Variants in ELAVL2 observed in about 807,000 individuals in gnomAD.
ELAVL2 encodes ELAV like RNA binding protein 2, also known as ELAV-like protein 2.
A neutral mutation model predicts 34.6 loss-of-function variants in ELAVL2; 4 were observed. The ratio of observed to expected loss-of-function variants is 0.12; its 90% CI spans 0.06 to 0.26. The LOEUF is 0.26. Ranked by LOEUF, ELAVL2 falls within the 10% of genes least tolerant of loss-of-function variation. The probability of loss-of-function intolerance (pLI) is 1.00; values close to 1 mark genes in which losing one functional copy is unlikely to be tolerated. For missense variants in ELAVL2, 432 were observed against 442.8 expected (o/e 0.98, Z 0.22); for synonymous variants, 193 against 154.8 (o/e 1.25, Z -1.83).
rs1330916790 is a variant in ELAVL2 at position 23,692,145 on chromosome 9, A to AC, written c.*411_*412insG. 1.2e-5 allele frequency: 2 copies of AC among 162,034 alleles called. No homozygotes were observed. The highest frequency in any genetic ancestry group is 4.8e-5 in the African/African-American group (2 of 41,626). The allele number at this position is 162,034 out of a possible 1,614,324, so 10.0% of individuals were successfully genotyped here. ...ATGTAAACCAAACACAAAGCTAATC[A>AC]GAAAAAGGAAAAAAAGGGGGGAAAA... On this transcript the variant is annotated 3_prime_UTR_variant, in exon 7 of 7. Transcript: ENST00000397312.
At chr9:23,713,857 G>C (rs1587562034) in intron 3 of ELAVL2, among the ~76,000 whole-genome samples, 1 of 152,092 alleles carries the variant, frequency 6.6e-6, no homozygotes, top group Admixed American at 6.5e-5. Context: ...CCATGTTAAG[G>C]AGTAAAAACA....
intron 1 of ELAVL2, among the ~76,000 whole-genome samples, chr9:23,808,625 GAT>G (rs2137974411): frequency 6.6e-6 from 1 of 152,262 alleles, no homozygotes; most frequent in African/African-American, 2.4e-5. Flanking sequence ...GGAAAAGAGA[GAT>G]AAGTTTAAAG....
chr9:23,773,099 T>A (rs536449511), intron 1 of ELAVL2, among the ~76,000 whole-genome samples: 4 of 152,286 alleles, frequency 2.6e-5, no homozygotes, highest in Non-Finnish European at 4.4e-5. Context: ...TTACATTCAA[T>A]GCAAGTGTTA....
intron 1 of ELAVL2, among the ~76,000 whole-genome samples, chr9:23,765,547 T>A (rs2056051281): frequency 6.6e-6 from 1 of 152,096 alleles, no homozygotes; most frequent in Non-Finnish European, 1.5e-5. Flanking sequence ...CCCCAAAATA[T>A]CAGAAAGACA....
At chr9:23,798,919 A>G (rs763147493) in intron 1 of ELAVL2, among the ~76,000 whole-genome samples, 1 of 152,214 alleles carries the variant, frequency 6.6e-6, no homozygotes, top group African/African-American at 2.4e-5. Flanking sequence ...ACAACCTAAT[A>G]GGCATCATTT....
intron 1 of ELAVL2, chr9:23,779,269 C>A: frequency 1.0e-6 from 1 of 985,348 alleles, no homozygotes; most frequent in African/African-American, 1.7e-5. Context: ...TGGTTTACCC[C>A]AGTAGAATCC....
upstream of ELAVL2, among the ~76,000 whole-genome samples, chr9:23,831,143 A>C (rs4142149): frequency 0.33 from 49,456 of 152,102 alleles, 8,594 homozygotes; most frequent in Middle Eastern, 0.44. Flanking sequence ...AACGGTTTTT[A>C]TGCTTCCGAT....
rs1170076514 is a variant in ELAVL2, at chr9:23,699,824, T to A, written c.713+1555A>T. Among the ~76,000 whole-genome samples the A allele has an allele frequency of 2.2e-3, 86 of 39,736 alleles. 1 individual carries two copies. The highest frequency in any genetic ancestry group is 9.1e-3 in the African/African-American group (84 of 9,254). 26.1% of individuals were successfully genotyped at this position (39,736 alleles called of 152,430 possible). On this transcript the variant is annotated intron_variant, in intron 5 of 6. Coordinates refer to ENST00000397312, the MANE Select transcript of ELAVL2 (RefSeq NM_004432.5). The stretch of plus-strand genomic sequence containing the variant: ...AAAGGTGGCAAAGGTTTTTTTTTTT[T>A]TTTTTTTTTTTTTTTTTTTTTTTTT...
At chr9:23,780,200 G>C (rs1461834513) in intron 1 of ELAVL2, among the ~76,000 whole-genome samples, 1 of 151,798 alleles carries the variant, frequency 6.6e-6, no homozygotes. Context: ...TCAACAGTTG[G>C]TATTAATAGT....
intron 1 of ELAVL2, among the ~76,000 whole-genome samples, chr9:23,768,861 C>A (rs2056802897): frequency 6.6e-6 from 1 of 152,136 alleles, no homozygotes; most frequent in Non-Finnish European, 1.5e-5. Context: ...TTTAGAAGCA[C>A]ATCATGATTA....
rs1208170585 is a variant in ELAVL2, at chr9:23,701,567, C to T, written c.525G>A (p.Lys175=). Residue 175 remains lysine, a synonymous_variant, in exon 5 of 7, where the codon AAG becomes AAA. Transcript: ENST00000397312. The part of the protein sequence containing the change: ...SRGVGFIRFD[K]RIEAEEAIKG... ...TGATAGCTTCTTCTGCCTCAATTCG[C>T]TTGTCAAATCGAATAAACCCTACAC... The T allele has an allele frequency of 6.2e-7, 1 of 1,614,056 alleles. No individual in the cohort carries two copies. The highest frequency in any genetic ancestry group is 1.7e-5 in the Admixed American group (1 of 60,002).
In ELAVL2 at chr9:23,763,064, T is replaced by G. The variant is rs1169064990; in HGVS notation, c.-15-815A>C. Among the ~76,000 whole-genome samples, 9 of 152,218 alleles carry G rather than the reference T, an allele frequency of 5.9e-5. No homozygotes were observed. The East Asian group carries it at 1.7e-3, about 29-fold the overall frequency. ...GGTGTTTCTCCTTGACTCTGCTTTT[T>G]AATGAGAAAAAAGAAAACCTATCCA... is the stretch of plus-strand genomic sequence containing the variant. On this transcript the variant is annotated intron_variant, in intron 1 of 6. Coordinates refer to ENST00000397312, the MANE Select transcript of ELAVL2 (RefSeq NM_004432.5).
chr9:23,755,267 C>T (rs968654737), intron 2 of ELAVL2, among the ~76,000 whole-genome samples: 2 of 152,102 alleles, frequency 1.3e-5, no homozygotes, highest in Non-Finnish European at 2.9e-5. Flanking sequence ...TATTTGATTT[C>T]TTAAAATGTT....
At chr9:23,845,248 C>T in the ELAVL2 span, among the ~76,000 whole-genome samples, 3 of 151,474 alleles carry the variant, frequency 2.0e-5, no homozygotes, top group Non-Finnish European at 3.0e-5. Flanking sequence ...TGTATAATTA[C>T]ATATATTCAT....
intron 3 of ELAVL2, among the ~76,000 whole-genome samples, chr9:23,725,239 C>T (rs925243285): frequency 3.3e-5 from 5 of 152,128 alleles, no homozygotes; most frequent in East Asian, 3.9e-4. Context: ...AAAACATCAG[C>T]GCCTTCACAT....
the ELAVL2 span, among the ~76,000 whole-genome samples, chr9:23,848,393 G>C: frequency 6.6e-6 from 1 of 151,986 alleles, no homozygotes; most frequent in African/African-American, 2.4e-5. Context: ...GATTCCTCTT[G>C]TACCAACAAA....
chr9:23,820,418 A>G (rs1174149048), intron 1 of ELAVL2, among the ~76,000 whole-genome samples: 1 of 152,166 alleles, frequency 6.6e-6, no homozygotes. Flanking sequence ...AATAAAGGAG[A>G]GTGGACAACT....
rs377237039 is a variant in ELAVL2, at chr9:23,692,599, T to C, written c.1038A>G (p.Val346=). ...SLNGYRLGDR[V]LQVSFKTNKT... is the part of the protein sequence containing the mutation. ...TGTTTGTCTTAAAGGAGACCTGCAG[T>C]ACTCTGTCTCCCAGACGGTATCCAT... Residue 346 remains valine (V), a synonymous_variant, in exon 7 of 7, where the codon GTA becomes GTG. Coordinates refer to ENST00000397312, the MANE Select transcript of ELAVL2 (RefSeq NM_004432.5). 1.8e-5 allele frequency: 29 copies of C among 1,614,028 alleles called. 1 individual carries two copies. The highest frequency in any genetic ancestry group is 1.9e-5 in the Non-Finnish European group (22 of 1,179,992).
intron 1 of ELAVL2, among the ~76,000 whole-genome samples, chr9:23,771,723 C>CAA (rs1164678740): frequency 2.6e-5 from 4 of 152,074 alleles, no homozygotes; most frequent in African/African-American, 9.7e-5. Context: ...TAAAATAGCT[C>CAA]AAAGCTCTCC....
Sources: allele counts gnomAD v4.1 joint callset (sites outside exome capture counted in the v4.1 genomes callset), GRCh38; gene constraint gnomAD v4.1.1; transcripts MANE v1.5; gene names NCBI Gene and HGNC (gene_info 2026-07-23, HGNC 2026-07-21).